RAPGEF4: variants seen among roughly 807,000 people sequenced by gnomAD.
The protein encoded by RAPGEF4 is Rap guanine nucleotide exchange factor 4.
A neutral mutation model predicts 147.9 loss-of-function variants in RAPGEF4; 66 were observed. That is an observed-to-expected ratio of 0.45 (90% CI 0.37 to 0.55). The LOEUF (loss-of-function observed/expected upper bound fraction) is 0.55, where lower values mean the gene tolerates loss of function less well. RAPGEF4 is among the 20% of genes least tolerant of loss of function. The pLI, the probability that RAPGEF4 is intolerant of heterozygous loss-of-function variation, is 0.00. For missense variants in RAPGEF4, 1,071 were observed against 1,257.3 expected (o/e 0.85, Z 2.24); for synonymous variants, 419 against 442.7 (o/e 0.95, Z 0.67).
intron 6 of RAPGEF4, among the ~76,000 whole-genome samples, chr2:172,950,723 A>T (rs1331804582): frequency 1.3e-5 from 2 of 152,244 alleles, no homozygotes; most frequent in African/African-American, 4.8e-5. Context: ...TTTTCCTGTA[A>T]GGTACTTGAG....
intron 6 of RAPGEF4, among the ~76,000 whole-genome samples, chr2:172,936,453 A>G (rs1686580007): frequency 6.6e-6 from 1 of 152,196 alleles, no homozygotes; most frequent in Non-Finnish European, 1.5e-5. Flanking sequence ...ACAAATAGAA[A>G]CAAAATTTAG....
At chr2:172,896,799 C>T (rs982687506) in intron 4 of RAPGEF4, among the ~76,000 whole-genome samples, 2 of 152,144 alleles carry the variant, frequency 1.3e-5, no homozygotes, top group Admixed American at 6.6e-5. Flanking sequence ...TATATATATG[C>T]AAAGTTGTTC....
At chr2:172,804,720 G>A (rs1233576943) in intron 3 of RAPGEF4, among the ~76,000 whole-genome samples, 1 of 152,176 alleles carries the variant, frequency 6.6e-6, no homozygotes, top group East Asian at 1.9e-4. Flanking sequence ...TCCGTAGTGG[G>A]GTGGAGAGGG....
rs147358229 is a variant in RAPGEF4, at chr2:172,930,664, T to A, written c.537+8364T>A. Among the ~76,000 whole-genome samples, 352 of 152,296 alleles carry A rather than the reference T, an allele frequency of 2.3e-3. 4 individuals carry two copies. Among genetic ancestry groups the A allele is most frequent in the East Asian group, 0.021 (111 of 5,188 alleles). On this transcript the variant is annotated intron_variant, in intron 6 of 30. Coordinates refer to ENST00000397081, the MANE Select transcript of RAPGEF4 (RefSeq NM_007023.4). ...GCCACCCCCACTCAATTGGGTATCA[T>A]TGTTAAATTTGATAAGAATGTTTTT...
intron 4 of RAPGEF4, among the ~76,000 whole-genome samples, chr2:172,842,797 A>G (rs531734329): frequency 3.9e-5 from 6 of 152,358 alleles, no homozygotes; most frequent in Middle Eastern, 3.4e-3. Context: ...GGGAGGGAAC[A>G]TAGGCCTTGC....
intron 1 of RAPGEF4, chr2:172,744,369 T>C (rs1694582091): frequency 2.2e-6 from 1 of 456,170 alleles, no homozygotes; most frequent in Admixed American, 2.4e-5. Flanking sequence ...TTTGAATCTT[T>C]GTTTTCACAT....
intron 1 of RAPGEF4, among the ~76,000 whole-genome samples, chr2:172,746,504 A>G (rs979391232): frequency 1.3e-4 from 20 of 152,370 alleles, no homozygotes; most frequent in Middle Eastern, 6.8e-3. Context: ...TAATCTTAAA[A>G]TGCTTATCCG....
intron 17 of RAPGEF4, among the ~76,000 whole-genome samples, chr2:173,002,006 A>AAAAAAAAAAAAAC (rs1363321480): frequency 6.6e-6 from 1 of 150,602 alleles, no homozygotes; most frequent in African/African-American, 2.4e-5. Flanking sequence ...AAAAAAAAAA[A>AAAAAAAAAAAAAC]AAAAAAAAAT....
intron 29 of RAPGEF4, among the ~76,000 whole-genome samples, chr2:173,043,617 G>C (rs1285468088): frequency 6.6e-6 from 1 of 152,232 alleles, no homozygotes; most frequent in East Asian, 1.9e-4. Context: ...GAAGGTGGGG[G>C]CAGCCACAAA....
intron 1 of RAPGEF4, among the ~76,000 whole-genome samples, chr2:172,756,403 C>T (rs1695782399): frequency 6.6e-6 from 1 of 152,180 alleles, no homozygotes; most frequent in African/African-American, 2.4e-5. Context: ...TGACAGTCAG[C>T]TCCCACTCTT....
intron 17 of RAPGEF4, among the ~76,000 whole-genome samples, chr2:173,006,030 A>G (rs1276272317): frequency 6.6e-6 from 1 of 152,222 alleles, no homozygotes; most frequent in Non-Finnish European, 1.5e-5. Context: ...CTGGTTCTGC[A>G]ACGCCAGACT....
chr2:173,011,170 G>GCACACACACACACA (rs1553548086), intron 17 of RAPGEF4, among the ~76,000 whole-genome samples: 2 of 133,498 alleles, frequency 1.5e-5, no homozygotes, highest in Admixed American at 7.3e-5. Context: ...GCGCGCGCGC[G>GCACACACACACACA]CACACACACA....
intron 10 of RAPGEF4, among the ~76,000 whole-genome samples, chr2:172,981,969 G>T (rs1691725686): frequency 6.6e-6 from 1 of 152,098 alleles, no homozygotes; most frequent in East Asian, 1.9e-4. Context: ...ACTTTGCTGG[G>T]TTTTTTTCAC....
intron 12 of RAPGEF4, among the ~76,000 whole-genome samples, chr2:172,985,942 A>G (rs1692204091): frequency 2.6e-5 from 4 of 152,168 alleles, no homozygotes; most frequent in Non-Finnish European, 5.9e-5. Context: ...CTTCCACTTT[A>G]AGCTCCAAGC....
chr2:172,921,711 G>A (rs1474587503), intron 5 of RAPGEF4, among the ~76,000 whole-genome samples: 1 of 152,212 alleles, frequency 6.6e-6, no homozygotes, highest in Non-Finnish European at 1.5e-5. Flanking sequence ...AAATGGATGA[G>A]TCATTAGCCT....
At chr2:172,895,348 A>G (rs1354693026) in intron 4 of RAPGEF4, among the ~76,000 whole-genome samples, 4 of 152,220 alleles carry the variant, frequency 2.6e-5, no homozygotes, top group Non-Finnish European at 5.9e-5. Flanking sequence ...AAATAGAGCC[A>G]GTGAGTATCT....
intron 1 of RAPGEF4, among the ~76,000 whole-genome samples, chr2:172,747,196 C>T (rs1166857276): frequency 6.6e-6 from 1 of 152,126 alleles, no homozygotes; most frequent in Non-Finnish European, 1.5e-5. Flanking sequence ...ATTAATTTTT[C>T]ATCTTCATTG....
At chr2:172,874,948 G>A (rs558465998) in intron 4 of RAPGEF4, among the ~76,000 whole-genome samples, 1 of 152,218 alleles carries the variant, frequency 6.6e-6, no homozygotes, top group Non-Finnish European at 1.5e-5. Flanking sequence ...TCTAACTGGT[G>A]TGAGATGGTA....
chr2:172,851,506 G>A (rs562613662), intron 4 of RAPGEF4, among the ~76,000 whole-genome samples: 3 of 152,202 alleles, frequency 2.0e-5, no homozygotes, highest in Admixed American at 2.0e-4. Context: ...TATGTTCATC[G>A]CAGCACTATT....
Sources: gnomAD v4.1 joint callset for allele counts (sites outside exome capture counted in the v4.1 genomes callset) on GRCh38, gnomAD v4.1.1 for gene constraint, MANE v1.5 for transcripts, NCBI Gene and HGNC (gene_info 2026-07-23, HGNC 2026-07-21) for gene names.